The following RELN variants were observed in gnomAD, a reference collection of about 807,000 sequenced individuals.
RELN encodes the protein reelin.
A neutral mutation model predicts 427.6 loss-of-function variants in RELN; 108 were observed. That is an observed-to-expected ratio of 0.25 (90% CI 0.22 to 0.30). The LOEUF (loss-of-function observed/expected upper bound fraction) is 0.30, where lower values mean the gene tolerates loss of function less well. RELN is among the 10% of genes least tolerant of loss of function. RELN has a pLI of 1.00. For missense variants in RELN, 3,715 were observed against 4,302.8 expected (o/e 0.86, Z 3.82); for synonymous variants, 1,524 against 1,513.4 (o/e 1.01, Z -0.16).
chr7:103,650,150 G>C, intron 16 of RELN, 124 bp downstream of exon 16: 1 of 731,504 alleles, frequency 1.4e-6, no homozygotes, highest in Non-Finnish European at 2.5e-6. Context: ...AGAAATGGAA[G>C]AAAGGGTGTT....
At chr7:103,721,993 T>C (rs1487881734) in intron 8 of RELN, among the ~76,000 whole-genome samples, 1 of 152,182 alleles carries the variant, frequency 6.6e-6, no homozygotes, top group East Asian at 1.9e-4. Flanking sequence ...TGTTAATAAG[T>C]CAAAGAAAAC....
intron 2 of RELN, among the ~76,000 whole-genome samples, chr7:103,841,175 T>C (rs1793542703): frequency 1.3e-5 from 2 of 152,178 alleles, no homozygotes; most frequent in African/African-American, 2.4e-5. Context: ...GACAACTTTT[T>C]TGAGTAAGAC....
At chr7:103,503,350 A>G in intron 51 of RELN, 120 bp from the exon 52 acceptor site, 1 of 811,458 alleles carries the variant, frequency 1.2e-6, no homozygotes, top group Non-Finnish European at 2.1e-6. Flanking sequence ...TCCATCCTGT[A>G]TTTTCAGATT....
chr7:103,838,205 T>C (rs1185540590), intron 2 of RELN, among the ~76,000 whole-genome samples: 32 of 40,030 alleles, frequency 8.0e-4, no homozygotes, highest in Non-Finnish European at 1.3e-3. Context: ...CGAGACTTCG[T>C]CTCAAAAAAA....
At chr7:103,906,550 C>G (rs909298923) in intron 2 of RELN, among the ~76,000 whole-genome samples, 10 of 152,016 alleles carry the variant, frequency 6.6e-5, no homozygotes, top group African/African-American at 2.2e-4. Flanking sequence ...TCTCTCTCCT[C>G]CTCTCTCTGC....
chr7:103,635,373 C>T (rs1832556356), intron 19 of RELN, 52 bp downstream of exon 19: 7 of 1,577,106 alleles, frequency 4.4e-6, no homozygotes, highest in Non-Finnish European at 5.2e-6. Context: ...TATGATTTCC[C>T]CAGGAGAAGA....
At chr7:103,840,219 G>A (rs769818785) in intron 2 of RELN, among the ~76,000 whole-genome samples, 22 of 152,156 alleles carry the variant, frequency 1.4e-4, no homozygotes, top group African/African-American at 2.4e-4. Context: ...TAAAAGAATC[G>A]GTTTACGTTC....
Position 103,707,787 on chromosome 7 carries a change from A to G in RELN, c.806-6781T>C, listed in dbSNP as rs574675242. The stretch of plus-strand genomic sequence containing the variant: ...GTTGGGATTACAGGCACGAGCCACC[A>G]CGCCCGGCTGCAAATCTATTTCTTT... On this transcript the variant is annotated intron_variant, in intron 8 of 64. Coordinates refer to ENST00000428762, the MANE Select transcript of RELN (RefSeq NM_005045.4). 8.5e-5 allele frequency among the ~76,000 whole-genome samples: 13 copies of G among 152,146 alleles called. No individual in the cohort carries two copies. The East Asian group carries it at 2.5e-3, about 29-fold the overall frequency.
chr7:103,738,821 T>C (rs1253107196), intron 6 of RELN, among the ~76,000 whole-genome samples: 1 of 151,700 alleles, frequency 6.6e-6, no homozygotes, highest in African/African-American at 2.4e-5. Context: ...TAGCTGGGAC[T>C]ACAGCTGCAT....
At chr7:103,577,536 G>A (rs1831031235) in intron 28 of RELN, among the ~76,000 whole-genome samples, 1 of 141,554 alleles carries the variant, frequency 7.1e-6, no homozygotes, top group African/African-American at 2.6e-5. Context: ...AATTAAAGAA[G>A]TTTAGAAAAA....
intron 3 of RELN, among the ~76,000 whole-genome samples, chr7:103,798,078 T>C (rs140584126): frequency 3.3e-5 from 5 of 152,250 alleles, no homozygotes; most frequent in African/African-American, 1.2e-4. Context: ...CTCTTGGGAG[T>C]TAGTTCCATG....
At chr7:103,676,064 T>G (rs1451371697) in intron 11 of RELN, among the ~76,000 whole-genome samples, 1 of 152,266 alleles carries the variant, frequency 6.6e-6, no homozygotes, top group Admixed American at 6.5e-5. Context: ...AAAGAGTTTC[T>G]GCACAACAAA....
chr7:103,917,358 G>T (rs1183576245), intron 1 of RELN, among the ~76,000 whole-genome samples, 173 bp from the exon 2 acceptor site: 2 of 152,042 alleles, frequency 1.3e-5, no homozygotes, highest in East Asian at 3.9e-4. Context: ...AAGAAGCTCG[G>T]AACTCCAGTG....
chr7:103,771,734 GTCTC>G (rs1457772601), intron 4 of RELN, among the ~76,000 whole-genome samples: 3 of 149,914 alleles, frequency 2.0e-5, no homozygotes, highest in Non-Finnish European at 3.0e-5. Flanking sequence ...CCTTCTCTAG[GTCTC>G]TCTAACATAT....
chr7:103,594,635 A>G, intron 25 of RELN, 143 bp from the exon 26 acceptor site: 1 of 807,964 alleles, frequency 1.2e-6, no homozygotes, highest in Non-Finnish European at 2.0e-6. Flanking sequence ...GTAAGTTTGG[A>G]CATATCAGAC....
chr7:103,529,008 C>T (rs1009009592), intron 46 of RELN, among the ~76,000 whole-genome samples: 1 of 151,862 alleles, frequency 6.6e-6, no homozygotes, highest in South Asian at 2.1e-4. Context: ...TCATAGTGTG[C>T]GCCTGTAGTC....
intron 4 of RELN, among the ~76,000 whole-genome samples, chr7:103,767,758 G>A (rs374460897): frequency 5.9e-5 from 9 of 152,108 alleles, no homozygotes; most frequent in East Asian, 5.8e-4. Context: ...ATCACTTACT[G>A]ACATTTTGGA....
chr7:103,593,308 A>C (rs1020851241), intron 27 of RELN, among the ~76,000 whole-genome samples: 2 of 152,192 alleles, frequency 1.3e-5, no homozygotes, highest in African/African-American at 4.8e-5. Context: ...AAAAGCATAA[A>C]ATACCTTGTA....
At position 103,483,741 on chromosome 7, in the gene RELN, C is replaced by T. The variant is rs115035120; in HGVS notation, c.10093G>A (p.Val3365Ile). The change falls in exon 62 of 65, where the codon GTC (valine) becomes ATC (isoleucine). Residue 3365 changes from valine to isoleucine, a missense_variant. Physicochemically the swap from Val to Ile is conservative, Grantham distance 29. Coordinates refer to ENST00000428762, the MANE Select transcript of RELN (RefSeq NM_005045.4). ...VDKAVLLQYSVNNGITWHVIA... is the reference protein window; with the variant it reads ...VDKAVLLQYSINNGITWHVIA... ...ACATGCCAGGTGATCCCGTTGTTGA[C>T]GCTGTATTGCAGCAGCACTGCCTTG... 989 of 1,614,128 alleles carry T rather than the reference C, an allele frequency of 6.1e-4. 9 individuals are homozygous for T. Among genetic ancestry groups the T allele is most frequent in the South Asian group, 5.1e-3 (467 of 91,084 alleles).
Sources: gnomAD v4.1 joint callset for allele counts (sites outside exome capture counted in the v4.1 genomes callset) on GRCh38, gnomAD v4.1.1 for gene constraint, MANE v1.5 for transcripts, NCBI Gene and HGNC (gene_info 2026-07-23, HGNC 2026-07-21) for gene names.